The following OLFM1 variants were observed in gnomAD, a reference collection of about 807,000 sequenced individuals.
OLFM1 encodes the protein noelin.
Under a neutral mutation model 49.7 loss-of-function variants are expected in OLFM1, and 9 were observed. That is an observed-to-expected ratio of 0.18 (90% CI 0.11 to 0.32). The LOEUF (loss-of-function observed/expected upper bound fraction) is 0.32. OLFM1 is among the 10% of genes least tolerant of loss of function. OLFM1 has a pLI of 1.00. For missense variants in OLFM1, 369 were observed against 661.8 expected, an observed-to-expected ratio of 0.56 and a Z score of 4.85; for synonymous variants, 240 against 271.8, an observed-to-expected ratio of 0.88 and a Z score of 1.15.
chr9:135,087,017 C>T (rs970736076), upstream of OLFM1, among the ~76,000 whole-genome samples: 7 of 152,244 alleles, frequency 4.6e-5, no homozygotes, highest in Non-Finnish European at 1.0e-4. Context: ...GCACCGCGGG[C>T]CACGGCAGAC....
At chr9:135,081,738 G>A (rs1830535107) in intron 1 of OLFM1, among the ~76,000 whole-genome samples, 1 of 152,202 alleles carries the variant, frequency 6.6e-6, no homozygotes, top group African/African-American at 2.4e-5. Flanking sequence ...CACTTTGAGA[G>A]GCCGAGGCAG....
intron 4 of OLFM1, among the ~76,000 whole-genome samples, chr9:135,099,412 A>G (rs1270330743): frequency 6.6e-6 from 1 of 151,524 alleles, no homozygotes; most frequent in Admixed American, 6.6e-5. Flanking sequence ...TTTTATTTCT[A>G]CTCTCCCTTC....
rs649699 is a variant in OLFM1, at chr9:135,080,331, A to G, written c.96+4529A>G. On this transcript the variant is annotated intron_variant, in intron 1 of 5. Coordinates refer to the OLFM1 transcript ENST00000252854. This position sits in a 1 kb window ranked among gnomAD's most constrained non-coding sequence, Gnocchi z 4.5. The stretch of plus-strand genomic sequence containing the variant: ...ATACAGTGTTTGTAGAAGGGGATGG[A>G]GTGCACGGGTAGGGGGAAGAGTTCA... Among the ~76,000 whole-genome samples the G allele has an allele frequency of 0.15, 22,493 of 151,794 alleles. 1,999 individuals are homozygous for G. Among genetic ancestry groups the G allele is most frequent in the East Asian group, 0.33 (1,696 of 5,110 alleles).
At chr9:135,115,061 C>A (rs2119141962) in intron 5 of OLFM1, among the ~76,000 whole-genome samples, 1 of 152,334 alleles carries the variant, frequency 6.6e-6, no homozygotes, top group South Asian at 2.1e-4. Flanking sequence ...GACAATTTCC[C>A]CGCTGGAGCT....
At chr9:135,082,910 C>T (rs560272117), upstream of OLFM1, among the ~76,000 whole-genome samples, 3 of 152,246 alleles carry the variant, frequency 2.0e-5, no homozygotes, top group Admixed American at 6.5e-5. Flanking sequence ...GTGCAGAGGC[C>T]GGGTGTCGTC....
chr9:135,119,086 GAGTGCTCACCGGGCCTTTGGA>G (rs1831146302), intron 5 of OLFM1, among the ~76,000 whole-genome samples: 1 of 151,706 alleles, frequency 6.6e-6, no homozygotes, highest in African/African-American at 2.4e-5. Context: ...TGGGTCTTTG[GAGTGCTCACCGGGCCTTTGGA>G]AGTGCTCACC....
Position 135,091,563 on chromosome 9 carries a change from A to T in OLFM1, c.300+1219A>T, listed in dbSNP as rs889642174. On this transcript the variant is annotated intron_variant, in intron 2 of 5. Transcript: ENST00000371793. The stretch of plus-strand genomic sequence containing the variant: ...CTCACATAGTCACACACTCATAGTC[A>T]CACACACACACAGTCACACACTCAC... 1.8e-4 allele frequency among the ~76,000 whole-genome samples: 14 copies of T among 76,698 alleles called. No homozygotes were observed. In the South Asian group the frequency reaches 5.7e-3, roughly 31 times the overall value. 50.3% of individuals were successfully genotyped at this position (76,698 alleles called of 152,430 possible).
chr9:135,095,926 C>A lies in OLFM1; in HGVS notation c.363C>A (p.Tyr121Ter). ...LDRRTQRDLQ[Y>*]VEKMENQMKG... is the part of the protein sequence containing the mutation. ...GGCGGACCCAGAGAGACTTGCAGTA[C>A]GTGGAGAAGATGGAGAACCAAATGA... is the stretch of plus-strand genomic sequence containing the variant. The change falls in exon 3 of 6, where the codon TAC (tyrosine) becomes TAA (stop). Residue 121 changes from tyrosine (Y) to a stop codon, truncating the protein, a stop_gained. Coordinates refer to ENST00000371793, the MANE Select transcript of OLFM1 (RefSeq NM_001282611.2). LOFTEE classifies it high-confidence loss of function. 6.2e-7 allele frequency: 1 copy of A among 1,612,930 alleles called. No individual in the cohort carries two copies. The highest frequency in any genetic ancestry group is 8.5e-7 in the Non-Finnish European group (1 of 1,179,484).
chr9:135,104,811 C>T (rs528521957), intron 4 of OLFM1, among the ~76,000 whole-genome samples: 1 of 152,336 alleles, frequency 6.6e-6, no homozygotes, highest in South Asian at 2.1e-4. Context: ...CCTCCCACCT[C>T]CTGCCTCCTG....
Position 135,106,740 on chromosome 9 carries a change from C to A in OLFM1, c.677-9C>A. 1 of 1,612,514 alleles carries A rather than the reference C, an allele frequency of 6.2e-7. No individual in the cohort carries two copies. Among genetic ancestry groups the A allele is most frequent in the Non-Finnish European group, 8.5e-7 (1 of 1,179,368 alleles). On this transcript the variant is annotated splice_polypyrimidine_tract_variant and intron_variant, in intron 4 of 5. Transcript: ENST00000371793. ...CCCTCCCTCTCCTGACCTGCGTGCT[C>A]TTTTCCAGCTTGCGGGAAGTTGACG...
At position 135,098,921 on chromosome 9, in the gene OLFM1, T is replaced by TA. The variant is rs1008092618; in HGVS notation, c.676+422dup. Among the ~76,000 whole-genome samples the TA allele has an allele frequency of 6.6e-6, 1 of 152,100 alleles. No homozygotes were observed. The highest frequency in any genetic ancestry group is 1.5e-5 in the Non-Finnish European group (1 of 68,022). ...AATATTGAATCATGCATAGTTTGAA[T>TA]AAAAAAGGGAACAAAATTCAATCAC... On this transcript the variant is annotated intron_variant, in intron 4 of 5. Coordinates refer to ENST00000371793, the MANE Select transcript of OLFM1 (RefSeq NM_001282611.2). The surrounding 1 kb of genome is among the most constrained non-coding windows in gnomAD (Gnocchi z 5.6).
At chr9:135,116,158 A>G (rs1831093508) in intron 5 of OLFM1, among the ~76,000 whole-genome samples, 1 of 152,184 alleles carries the variant, frequency 6.6e-6, no homozygotes, top group South Asian at 2.1e-4. Flanking sequence ...CATTGAGGGA[A>G]TGAACTCAGA....
Position 135,106,389 on chromosome 9 carries a change from T to C in OLFM1, c.677-360T>C, listed in dbSNP as rs1830943907. On this transcript the variant is annotated intron_variant, in intron 4 of 5. Coordinates refer to ENST00000371793, the MANE Select transcript of OLFM1 (RefSeq NM_001282611.2). ...CGTTCCCATCTCCAAGAGAAGAAAATTGAGTCTTGGCAAAGCTGACCCCCT... is the reference window on the plus strand; with the variant it reads ...CGTTCCCATCTCCAAGAGAAGAAAACTGAGTCTTGGCAAAGCTGACCCCCT... 1.8e-5 allele frequency: 4 copies of C among 228,488 alleles called. No individual in the cohort carries two copies. In the South Asian group the frequency reaches 3.3e-4, roughly 19 times the overall value. 14.2% of individuals were successfully genotyped at this position (228,488 alleles called of 1,614,324 possible). A position where few individuals can be genotyped will look rare whatever the true frequency, so the allele number is the denominator to read the frequency against.
At chr9:135,115,063 G>A (rs974095456) in intron 5 of OLFM1, among the ~76,000 whole-genome samples, 14 of 152,170 alleles carry the variant, frequency 9.2e-5, no homozygotes, top group Non-Finnish European at 1.8e-4. Flanking sequence ...CAATTTCCCC[G>A]CTGGAGCTTG....
chr9:135,104,624 A>G (rs375318250), intron 4 of OLFM1, among the ~76,000 whole-genome samples: 21 of 152,094 alleles, frequency 1.4e-4, no homozygotes, highest in African/African-American at 5.1e-4. Context: ...TCCTCACGGG[A>G]TGTTCACAGG....
Position 135,121,019 on chromosome 9 carries a change from A to G in OLFM1, c.*841A>G, listed in dbSNP as rs1045603768. ...TCTTGTTAAATTAGCTAAATCATGT[A>G]ACCGCAGATAGGAAGGGCTCGCCTG... On this transcript the variant is annotated 3_prime_UTR_variant, in exon 6 of 6. Coordinates refer to ENST00000371793, the MANE Select transcript of OLFM1 (RefSeq NM_001282611.2). 6.6e-6 allele frequency: 1 copy of G among 152,526 alleles called. No individual in the cohort carries two copies. Among genetic ancestry groups the G allele is most frequent in the Non-Finnish European group, 1.5e-5 (1 of 68,044 alleles). The allele number at this position is 152,526 out of a possible 1,614,324, so 9.4% of individuals were successfully genotyped here.
At chr9:135,087,407 C>T, upstream of OLFM1, 1 of 1,546,078 alleles carries the variant, frequency 6.5e-7, no homozygotes. Context: ...GGGCCGCGGG[C>T]CGTGCCCCCA....
At chr9:135,081,967 G>A (rs1037120293) in intron 1 of OLFM1, among the ~76,000 whole-genome samples, 1 of 152,186 alleles carries the variant, frequency 6.6e-6, no homozygotes, top group Non-Finnish European at 1.5e-5. Context: ...GAACTGACCC[G>A]TCCTCGTGTG....
intron 5 of OLFM1, among the ~76,000 whole-genome samples, chr9:135,108,110 G>A (rs1413195620): frequency 6.6e-6 from 1 of 152,180 alleles, no homozygotes; most frequent in African/African-American, 2.4e-5. Flanking sequence ...GGATACAATT[G>A]GTGTTGGGTG....
Sources: gnomAD v4.1 joint callset for allele counts (sites outside exome capture counted in the v4.1 genomes callset) on GRCh38, gnomAD v4.1.1 for gene constraint, Gnocchi (gnomAD v3.1) non-coding constraint, MANE v1.5 for transcripts, NCBI Gene and HGNC (gene_info 2026-07-23, HGNC 2026-07-21) for gene names.